TMEM123: variants seen among roughly 807,000 people sequenced by gnomAD.
The protein encoded by TMEM123 is porimin.
In TMEM123, 16 loss-of-function variants were observed where a neutral mutation model predicts 19.7. The ratio of observed to expected loss-of-function variants is 0.81; its 90% CI spans 0.55 to 1.23. TMEM123 has a LOEUF of 1.23. Ranked by LOEUF, TMEM123 falls within the 50% of genes most tolerant of loss-of-function variation. The probability of loss-of-function intolerance (pLI) is 0.00; values close to 1 mark genes in which losing one functional copy is unlikely to be tolerated. For missense variants in TMEM123, 313 were observed against 257.8 expected (o/e 1.21, Z -1.47); for synonymous variants, 118 against 99.4 (o/e 1.19, Z -1.12).
At chr11:102,451,880 C>T (rs903996560) in intron 1 of TMEM123, among the ~76,000 whole-genome samples, 1 of 152,198 alleles carries the variant, frequency 6.6e-6, no homozygotes, top group African/African-American at 2.4e-5. Flanking sequence ...GCGCCTCGGC[C>T]GGGTGTTTAT....
In TMEM123 at chr11:102,398,503, A is replaced by G. The variant is rs537606286; in HGVS notation, c.*364T>C. On this transcript the variant is annotated 3_prime_UTR_variant, in exon 5 of 5. Coordinates refer to ENST00000398136, the MANE Select transcript of TMEM123 (RefSeq NM_052932.3). Reference sequence around the variant, plus strand: ...ACCCAAAATCCTGAGTGCTGTGACAAACTTCTTATTTGTATGCCCAGATGG... The same window carrying G: ...ACCCAAAATCCTGAGTGCTGTGACAGACTTCTTATTTGTATGCCCAGATGG... The G allele has an allele frequency of 7.2e-6, 3 of 413,902 alleles. No homozygotes were observed. The highest frequency in any genetic ancestry group is 4.1e-5 in the African/African-American group (2 of 48,646). 25.6% of individuals were successfully genotyped at this position (413,902 alleles called of 1,614,324 possible).
intron 2 of TMEM123, among the ~76,000 whole-genome samples, chr11:102,415,061 T>C (rs1248022753): frequency 6.6e-6 from 1 of 152,038 alleles, no homozygotes; most frequent in Non-Finnish European, 1.5e-5. Flanking sequence ...TCAGACAAAC[T>C]TTAAACCAAT....
In TMEM123 at chr11:102,398,759, T is replaced by C. The variant is rs1951882901; in HGVS notation, c.*108A>G. 6 of 1,096,730 alleles carry C rather than the reference T, an allele frequency of 5.5e-6. No homozygotes were observed. Among genetic ancestry groups the C allele is most frequent in the Non-Finnish European group, 8.2e-6 (6 of 733,646 alleles). 67.9% of individuals were successfully genotyped at this position (1,096,730 alleles called of 1,614,324 possible). On this transcript the variant is annotated 3_prime_UTR_variant, in exon 5 of 5. Transcript: ENST00000398136. ...TACACTGTACATTATATGCATGGCC[T>C]GTTTATACTATTTTCAAAAAGAGAA...
At position 102,397,356 on chromosome 11, in the gene TMEM123, G is replaced by A. The variant is rs894349529; in HGVS notation, c.*1511C>T. On this transcript the variant is annotated 3_prime_UTR_variant, in exon 5 of 5. Coordinates refer to ENST00000398136, the MANE Select transcript of TMEM123 (RefSeq NM_052932.3). ...CATTAGGACATCTGAGCTATTTTTAGGACCTTCAGAAACTGGTGTGATTCA... is the reference window on the plus strand; with the variant it reads ...CATTAGGACATCTGAGCTATTTTTAAGACCTTCAGAAACTGGTGTGATTCA... The A allele has an allele frequency of 3.3e-5, 5 of 152,106 alleles. No homozygotes were observed. Among genetic ancestry groups the A allele is most frequent in the African/African-American group, 1.2e-4 (5 of 41,440 alleles). The allele number at this position is 152,106 out of a possible 1,614,324, so 9.4% of individuals were successfully genotyped here.
intron 2 of TMEM123, among the ~76,000 whole-genome samples, chr11:102,408,326 A>T (rs1454788169): frequency 6.6e-6 from 1 of 152,184 alleles, no homozygotes; most frequent in Non-Finnish European, 1.5e-5. Flanking sequence ...TCAGTTCTTC[A>T]TTCCTGTTTG....
intron 2 of TMEM123, among the ~76,000 whole-genome samples, chr11:102,419,151 G>A (rs1037849055): frequency 6.6e-6 from 1 of 152,100 alleles, no homozygotes; most frequent in East Asian, 1.9e-4. Context: ...ATGTACCCTC[G>A]AGCCTAAAAT....
intron 2 of TMEM123, among the ~76,000 whole-genome samples, chr11:102,428,497 G>C (rs1170062404): frequency 6.6e-6 from 1 of 151,084 alleles, no homozygotes; most frequent in African/African-American, 2.4e-5. Flanking sequence ...AGTAGAGACG[G>C]GGTTTTGCCA....
At chr11:102,442,231 TG>T in intron 2 of TMEM123, among the ~76,000 whole-genome samples, 1 of 152,124 alleles carries the variant, frequency 6.6e-6, no homozygotes, top group East Asian at 1.9e-4. Context: ...TACCAAAGCC[TG>T]GCAGAGACAC....
At chr11:102,420,979 G>A (rs780946369) in intron 2 of TMEM123, among the ~76,000 whole-genome samples, 7 of 152,264 alleles carry the variant, frequency 4.6e-5, no homozygotes, top group South Asian at 4.1e-4. Flanking sequence ...CTCAGGAGGC[G>A]GAGGTTGCAG....
intron 1 of TMEM123, among the ~76,000 whole-genome samples, chr11:102,451,979 T>A (rs1857945236): frequency 6.6e-6 from 1 of 152,202 alleles, no homozygotes; most frequent in Non-Finnish European, 1.5e-5. Context: ...AGCTCCCAAC[T>A]AGCTCCAAGA....
intron 2 of TMEM123, among the ~76,000 whole-genome samples, chr11:102,418,046 A>C (rs1170248644): frequency 4.2e-5 from 6 of 143,454 alleles, no homozygotes; most frequent in Non-Finnish European, 6.0e-5. Context: ...TAAAAACCCT[A>C]GAAGACAGGA....
At chr11:102,424,930 C>G (rs961091485) in intron 2 of TMEM123, among the ~76,000 whole-genome samples, 1 of 152,202 alleles carries the variant, frequency 6.6e-6, no homozygotes, top group African/African-American at 2.4e-5. Flanking sequence ...GAAGCACACT[C>G]TTGGTCAAAG....
Position 102,431,275 on chromosome 11 carries a change from A to T in TMEM123, c.157+17537T>A, listed in dbSNP as rs369938394. 9.8e-5 allele frequency among the ~76,000 whole-genome samples: 15 copies of T among 152,374 alleles called. No homozygotes were observed. In the East Asian group the frequency reaches 2.7e-3, roughly 27 times the overall value. ...CATTACCTCACATACTTATCTTTGT[A>T]AACTGACAAATTACAGCTGTATAAA... On this transcript the variant is annotated intron_variant, in intron 2 of 4. Transcript: ENST00000398136.
At position 102,396,422 on chromosome 11, in the gene TMEM123, GTTTAACTT is replaced by G. The variant is rs893081982; in HGVS notation, c.*2437_*2444del. 9.2e-5 allele frequency: 14 copies of G among 152,104 alleles called. No homozygotes were observed. The Middle Eastern group carries it at 0.01, about 111-fold the overall frequency. 9.4% of individuals were successfully genotyped at this position (152,104 alleles called of 1,614,324 possible). On this transcript the variant is annotated 3_prime_UTR_variant, in exon 5 of 5. Transcript: ENST00000398136. ...TCATTATAATAAAAAGAAAAGAAGAGTTTAACTTTTTTTTTGTGAAAATACAAAATTAT... is the reference window on the plus strand; with the variant it reads ...TCATTATAATAAAAAGAAAAGAAGAGTTTTTTTGTGAAAATACAAAATTAT...
intron 2 of TMEM123, among the ~76,000 whole-genome samples, chr11:102,415,895 T>C (rs1952040669): frequency 1.4e-5 from 1 of 72,604 alleles, no homozygotes; most frequent in Non-Finnish European, 2.6e-5. Flanking sequence ...AAGTTGGTGG[T>C]TGTTATTATT....
At chr11:102,437,543 G>A (rs1488234940) in intron 2 of TMEM123, among the ~76,000 whole-genome samples, 1 of 151,820 alleles carries the variant, frequency 6.6e-6, no homozygotes, top group Non-Finnish European at 1.5e-5. Context: ...AATAGCAGTA[G>A]TCCTTAATCT....
chr11:102,406,563 T>C (rs752090590), intron 2 of TMEM123, among the ~76,000 whole-genome samples: 2 of 151,930 alleles, frequency 1.3e-5, no homozygotes, highest in Admixed American at 6.6e-5. Context: ...ATAACTGACA[T>C]GAGATTGCCT....
chr11:102,452,257 T>C, intron 1 of TMEM123: 1 of 363,104 alleles, frequency 2.8e-6, no homozygotes, highest in Non-Finnish European at 4.9e-6. Flanking sequence ...CAACAGGTTA[T>C]GCGCACCCGT....
chr11:102,442,128 A>T (rs1017061093), intron 2 of TMEM123, among the ~76,000 whole-genome samples: 2 of 152,246 alleles, frequency 1.3e-5, no homozygotes, highest in Admixed American at 6.5e-5. Context: ...AGGTACAAAG[A>T]GGAGCTGGTA....
Sources: allele counts gnomAD v4.1 joint callset (sites outside exome capture counted in the v4.1 genomes callset), GRCh38; gene constraint gnomAD v4.1.1; transcripts MANE v1.5; gene names NCBI Gene and HGNC (gene_info 2026-07-23, HGNC 2026-07-21).